Variants in OPHN1 observed in about 807,000 individuals in gnomAD.
The protein encoded by OPHN1 is oligophrenin-1.
OPHN1 carries 11 observed loss-of-function variants against 60.7 expected under a neutral mutation model. The ratio of observed to expected loss-of-function variants is 0.18; its 90% CI spans 0.11 to 0.30. The LOEUF (loss-of-function observed/expected upper bound fraction) is 0.30. Ranked by LOEUF, OPHN1 falls within the 10% of genes least tolerant of loss-of-function variation. The pLI is 1.00. For synonymous variants in OPHN1, 226 were observed against 222.6 expected (o/e 1.02, Z -0.14); for missense variants, 449 against 611.0 (o/e 0.73, Z 2.80).
intron 3 of OPHN1, among the ~76,000 whole-genome samples, chrX:68,286,658 A>G (rs946672726): frequency 3.6e-5 from 4 of 111,632 alleles, no homozygotes; most frequent in African/African-American, 1.3e-4. Flanking sequence ...CTTATTTGCT[A>G]CTTTATTCTT....
intron 15 of OPHN1, among the ~76,000 whole-genome samples, chrX:68,192,584 G>A (rs779011777): frequency 7.2e-5 from 8 of 111,880 alleles, no homozygotes; most frequent in Non-Finnish European, 1.3e-4. Flanking sequence ...TCAACAAGGA[G>A]ATCAAGTAAG....
chrX:68,413,426 C>T (rs1320681291), intron 2 of OPHN1, among the ~76,000 whole-genome samples: 1 of 111,480 alleles, frequency 9.0e-6, no homozygotes, highest in Non-Finnish European at 1.9e-5. Flanking sequence ...TATCCCTCTA[C>T]ACCCACACCC....
chrX:68,389,509 G>A (rs1011660967), intron 2 of OPHN1, among the ~76,000 whole-genome samples: 7 of 107,733 alleles, frequency 6.5e-5, no homozygotes, highest in Non-Finnish European at 1.3e-4. Flanking sequence ...AGAGCTTGCA[G>A]TGAGCCAAGT....
At chrX:68,131,756 T>G (rs890624972) in intron 15 of OPHN1, among the ~76,000 whole-genome samples, 1 of 112,072 alleles carries the variant, frequency 8.9e-6, no homozygotes, top group African/African-American at 3.2e-5. Context: ...TATATCATAT[T>G]TTATGTCCCG....
intron 15 of OPHN1, among the ~76,000 whole-genome samples, chrX:68,149,394 C>T (rs894303221): frequency 1.8e-5 from 2 of 111,731 alleles, no homozygotes; most frequent in East Asian, 5.6e-4. Flanking sequence ...AAGCTACTGA[C>T]CTGAAGTCTC....
At chrX:68,285,931 T>A (rs1378972047) in intron 3 of OPHN1, among the ~76,000 whole-genome samples, 1 of 111,262 alleles carries the variant, frequency 9.0e-6, no homozygotes, top group African/African-American at 3.3e-5. Context: ...TCTCATTCAT[T>A]TCTTAAGTTC....
intron 15 of OPHN1, among the ~76,000 whole-genome samples, chrX:68,191,197 G>A (rs1048789464): frequency 2.2e-4 from 25 of 112,067 alleles, no homozygotes; most frequent in African/African-American, 8.1e-4. Flanking sequence ...TGCAGGGAGA[G>A]AAATGCAGGT....
At chrX:68,352,026 G>A (rs759016707) in intron 2 of OPHN1, among the ~76,000 whole-genome samples, 8 of 108,925 alleles carry the variant, frequency 7.3e-5, no homozygotes, top group South Asian at 3.9e-4. Flanking sequence ...ACAGTTGCCC[G>A]CCACCGCGCC....
chrX:68,096,024 T>C (rs1214711578), intron 19 of OPHN1, among the ~76,000 whole-genome samples: 1 of 111,694 alleles, frequency 9.0e-6, no homozygotes, highest in Admixed American at 9.6e-5. Context: ...TTTTTAGTTT[T>C]GATGGAGTTC....
At chrX:68,217,091 C>A (rs1479543042) in intron 6 of OPHN1, among the ~76,000 whole-genome samples, 1 of 111,816 alleles carries the variant, frequency 8.9e-6, no homozygotes, top group Non-Finnish European at 1.9e-5. Context: ...CGAGCCGAAG[C>A]AGGGCGAGAC....
intron 3 of OPHN1, among the ~76,000 whole-genome samples, chrX:68,288,178 A>G (rs776849495): frequency 8.9e-6 from 1 of 111,840 alleles, no homozygotes; most frequent in East Asian, 2.8e-4. Flanking sequence ...CTTGCTTTCT[A>G]AAAAGGTTAA....
At chrX:68,152,247 A>G (rs2077288131) in intron 15 of OPHN1, among the ~76,000 whole-genome samples, 1 of 110,663 alleles carries the variant, frequency 9.0e-6, no homozygotes, top group African/African-American at 3.3e-5. Flanking sequence ...CTTCATAGAG[A>G]AGGCAGAAAC....
intron 19 of OPHN1, among the ~76,000 whole-genome samples, chrX:68,095,213 T>C (rs903983337): frequency 8.9e-6 from 1 of 111,847 alleles, no homozygotes; most frequent in Non-Finnish European, 1.9e-5. Flanking sequence ...ACTCGACACA[T>C]ATTTGTTGGA....
intron 5 of OPHN1, among the ~76,000 whole-genome samples, chrX:68,260,575 G>A (rs1448471616): frequency 9.0e-6 from 1 of 110,982 alleles, no homozygotes; most frequent in Non-Finnish European, 1.9e-5. Context: ...TGGCCATTAT[G>A]GGTCTTGACT....
chrX:68,156,402 TAC>T (rs1056600205), intron 15 of OPHN1, among the ~76,000 whole-genome samples: 1 of 108,912 alleles, frequency 9.2e-6, no homozygotes, highest in African/African-American at 3.3e-5. Flanking sequence ...AAGACATGCA[TAC>T]ACACACAAAC....
At chrX:68,111,205 T>TA (rs1286329548) in intron 18 of OPHN1, among the ~76,000 whole-genome samples, 1 of 112,512 alleles carries the variant, frequency 8.9e-6, no homozygotes, top group South Asian at 3.7e-4. Flanking sequence ...AGCCCAGGTC[T>TA]GCTGGCTCCT....
intron 18 of OPHN1, among the ~76,000 whole-genome samples, chrX:68,107,264 G>A (rs2077085370): frequency 9.0e-6 from 1 of 111,220 alleles, no homozygotes; most frequent in Non-Finnish European, 1.9e-5. Context: ...TACTGTATTT[G>A]TTTGTTTCTT....
At chrX:68,175,526 A>G (rs1360111635) in intron 15 of OPHN1, among the ~76,000 whole-genome samples, 2 of 111,702 alleles carry the variant, frequency 1.8e-5, no homozygotes, top group African/African-American at 3.3e-5. Flanking sequence ...ACCATGATGA[A>G]CTTCACTTGA....
chrX:68,183,431 T>A (rs1412817803), intron 15 of OPHN1, among the ~76,000 whole-genome samples: 1 of 111,645 alleles, frequency 9.0e-6, no homozygotes, highest in Non-Finnish European at 1.9e-5. Context: ...AGAACATAGA[T>A]TTACAAAGAC....
Sources: gnomAD v4.1 joint callset for allele counts (sites outside exome capture counted in the v4.1 genomes callset) on GRCh38, gnomAD v4.1.1 for gene constraint, MANE v1.5 for transcripts, NCBI Gene and HGNC (gene_info 2026-07-23, HGNC 2026-07-21) for gene names.